PCCB: variants seen among roughly 807,000 people sequenced by gnomAD.
PCCB encodes the protein propionyl-CoA carboxylase beta chain, mitochondrial.
PCCB carries 43 observed loss-of-function variants against 60.7 expected under a neutral mutation model. The ratio of observed to expected loss-of-function variants is 0.71; its 90% CI spans 0.55 to 0.91. The LOEUF (loss-of-function observed/expected upper bound fraction) is 0.91, where lower values mean the gene tolerates loss of function less well. Ranked by LOEUF, PCCB falls within the 40% of genes least tolerant of loss-of-function variation. PCCB has a pLI of 0.00. For missense variants in PCCB, 766 were observed against 702.8 expected, an observed-to-expected ratio of 1.09 and a Z score of -1.02; for synonymous variants, 276 against 255.9, an observed-to-expected ratio of 1.08 and a Z score of -0.75.
In PCCB at chr3:136,266,413, G is replaced by A. The variant is rs191637387; in HGVS notation, c.543+4348G>A. On this transcript the variant is annotated intron_variant, in intron 5 of 14. Coordinates refer to ENST00000251654, the MANE Select transcript of PCCB (RefSeq NM_000532.5). ...CAAAGTGCTGGGATTACAGGCGTGA[G>A]CCACCGCACCCAGCCAGTCTTTTTT... Among the ~76,000 whole-genome samples, 924 of 152,288 alleles carry A rather than the reference G, an allele frequency of 6.1e-3. 8 individuals carry two copies. Among genetic ancestry groups the A allele is most frequent in the Middle Eastern group, 0.014 (4 of 294 alleles).
At chr3:136,326,436 C>T in intron 10 of PCCB, 1 of 701,902 alleles carries the variant, frequency 1.4e-6, no homozygotes, top group Non-Finnish European at 2.6e-6. Context: ...GGCACGTTGC[C>T]ATCATCAGTG....
chr3:136,264,710 A>G (rs188222311), intron 5 of PCCB, among the ~76,000 whole-genome samples: 49 of 147,250 alleles, frequency 3.3e-4, no homozygotes, highest in African/African-American at 1.2e-3. Flanking sequence ...CATCTCTACT[A>G]AAAAAAAACA....
At chr3:136,276,329 C>T (rs941740567) in intron 5 of PCCB, among the ~76,000 whole-genome samples, 1 of 152,142 alleles carries the variant, frequency 6.6e-6, no homozygotes, top group African/African-American at 2.4e-5. Context: ...AGGTTCCACC[C>T]TTGATGAAAG....
At chr3:136,329,866 G>T (rs778623479) in intron 14 of PCCB, 39 bp from the exon 15 acceptor site, 1 of 1,611,476 alleles carries the variant, frequency 6.2e-7, no homozygotes, top group South Asian at 1.1e-5. Context: ...CATCATCTCG[G>T]GATGCAGATG....
At chr3:136,256,093 A>G in intron 2 of PCCB, 118 bp downstream of exon 2, 1 of 1,427,450 alleles carries the variant, frequency 7.0e-7, no homozygotes, top group South Asian at 1.2e-5. Context: ...GGCACTGCAG[A>G]CATCAAGCCC....
intron 6 of PCCB, among the ~76,000 whole-genome samples, chr3:136,287,339 T>G (rs1169331271): frequency 6.6e-6 from 1 of 152,186 alleles, no homozygotes; most frequent in African/African-American, 2.4e-5. Flanking sequence ...TTGTTAAGAT[T>G]TATCTATGTT....
At chr3:136,284,261 C>G (rs1466357811) in intron 6 of PCCB, among the ~76,000 whole-genome samples, 1 of 152,098 alleles carries the variant, frequency 6.6e-6, no homozygotes. Flanking sequence ...GAGTCCTATT[C>G]AAGAAGTTTC....
intron 5 of PCCB, among the ~76,000 whole-genome samples, chr3:136,272,394 C>T (rs769314418): frequency 1.3e-5 from 2 of 151,630 alleles, no homozygotes; most frequent in Non-Finnish European, 2.9e-5. Context: ...GGAAGGATTC[C>T]CTCTTTCTCA....
At chr3:136,327,368 T>A in intron 12 of PCCB, 113 bp downstream of exon 12, 1 of 823,810 alleles carries the variant, frequency 1.2e-6, no homozygotes, top group Non-Finnish European at 2.1e-6. Flanking sequence ...TTGCTCATCC[T>A]TAAAAAGATC....
At chr3:136,327,826 A>G in intron 13 of PCCB, 94 bp downstream of exon 13, 1 of 1,003,998 alleles carries the variant, frequency 1.0e-6, no homozygotes, top group Non-Finnish European at 1.6e-6. Context: ...GAGAGAGGCC[A>G]GGGCCCCTAG....
intron 10 of PCCB, among the ~76,000 whole-genome samples, chr3:136,319,625 TG>T (rs1935038887): frequency 6.6e-6 from 1 of 152,214 alleles, no homozygotes; most frequent in Non-Finnish European, 1.5e-5. Context: ...CTCGAACTCC[TG>T]ACTTCCAGTG....
intron 5 of PCCB, among the ~76,000 whole-genome samples, chr3:136,272,039 A>T (rs12695645): frequency 0.19 from 28,460 of 151,966 alleles, 3,088 homozygotes; most frequent in Non-Finnish European, 0.24. Context: ...TATCCCTCCT[A>T]TGCCTAGTTT....
rs769521436 is a variant in PCCB at position 136,327,650 on chromosome 3, A to G, written c.1316A>G (p.Tyr439Cys). 2.3e-5 allele frequency: 37 copies of G among 1,613,538 alleles called. No homozygotes were observed. The highest frequency in any genetic ancestry group is 1.1e-4 in the East Asian group (5 of 44,878). The change falls in exon 13 of 15, where the codon TAT (tyrosine) becomes TGT (cysteine). Residue 439 changes from tyrosine to cysteine, a missense_variant. Physicochemically the swap from Tyr to Cys is radical, Grantham distance 194 (BLOSUM62 -2). Transcript: ENST00000251654. ...CTGTTTTAGGCCTATGGAGGTGCCTATGATGTCATGAGCTCTAAGCACCTT... is the reference window on the plus strand; with the variant it reads ...CTGTTTTAGGCCTATGGAGGTGCCTGTGATGTCATGAGCTCTAAGCACCTT... The part of the protein sequence containing the change: ...VITRKAYGGA[Y>C]DVMSSKHLCG...
At chr3:136,283,292 T>G (rs1942526058) in intron 5 of PCCB, among the ~76,000 whole-genome samples, 1 of 152,168 alleles carries the variant, frequency 6.6e-6, no homozygotes, top group South Asian at 2.1e-4. Flanking sequence ...GCTTTCTGGC[T>G]CCTTCTACCG....
intron 5 of PCCB, among the ~76,000 whole-genome samples, chr3:136,268,122 GTATA>G (rs1410337209): frequency 5.3e-5 from 4 of 74,848 alleles, no homozygotes; most frequent in South Asian, 4.0e-4. Context: ...ATATATATAT[GTATA>G]TATATATATA....
chr3:136,260,544 T>G lies in PCCB; in HGVS notation c.429+9T>G, dbSNP rs1432433517. 1 of 1,606,932 alleles carries G rather than the reference T, an allele frequency of 6.2e-7. No individual in the cohort carries two copies. Among genetic ancestry groups the G allele is most frequent in the Admixed American group, 1.7e-5 (1 of 59,974 alleles). On this transcript the variant is annotated intron_variant, in intron 4 of 14. Transcript: ENST00000251654. ...CCCAAAAGATCTGCAAAGTAAGTGT[T>G]TAATACTCAAATTCAATCCATTGCT...
chr3:136,267,024 A>C (rs1243315263), intron 5 of PCCB, among the ~76,000 whole-genome samples: 1 of 152,198 alleles, frequency 6.6e-6, no homozygotes, highest in African/African-American at 2.4e-5. Flanking sequence ...CTGGGATTAC[A>C]GGTGCATGCC....
chr3:136,294,615 T>A (rs1002986844), intron 7 of PCCB, among the ~76,000 whole-genome samples: 3 of 149,770 alleles, frequency 2.0e-5, no homozygotes, highest in Non-Finnish European at 4.4e-5. Context: ...TGGCTTTTGT[T>A]TTGTTTTGTT....
chr3:136,250,645 C>T (rs1056723902), intron 1 of PCCB, 87 bp downstream of exon 1: 5 of 1,356,296 alleles, frequency 3.7e-6, no homozygotes, highest in Non-Finnish European at 3.0e-6. Context: ...CGAGGCCTCC[C>T]TGCCAATCCG....
Sources: allele counts gnomAD v4.1 joint callset (sites outside exome capture counted in the v4.1 genomes callset), GRCh38; gene constraint gnomAD v4.1.1; transcripts MANE v1.5; gene names NCBI Gene and HGNC (gene_info 2026-07-23, HGNC 2026-07-21).